Variants in CARS1 observed in about 807,000 individuals in gnomAD.
CARS1 encodes the protein cysteine--tRNA ligase, cytoplasmic.
Under a neutral mutation model 106.2 loss-of-function variants are expected in CARS1, and 48 were observed. That is an observed-to-expected ratio of 0.45 (90% CI 0.36 to 0.57). The LOEUF (loss-of-function observed/expected upper bound fraction) is 0.57, where lower values mean the gene tolerates loss of function less well. Ranked by LOEUF, CARS1 falls within the 20% of genes least tolerant of loss-of-function variation. The pLI, the probability that CARS1 is intolerant of heterozygous loss-of-function variation, is 0.00. For missense variants in CARS1, 968 were observed against 1,057.2 expected (o/e 0.92, Z 1.17); for synonymous variants, 409 against 403.4 (o/e 1.01, Z -0.17).
rs1252102911 is a variant in CARS1, at chr11:3,004,668, C to G, written c.2217+698G>C. On this transcript the variant is annotated intron_variant, in intron 20 of 22. Transcript: ENST00000380525. The surrounding 1 kb of genome is among the most constrained non-coding windows in gnomAD (Gnocchi z 5.2). ...TGCGTTTTTGTTCCTGTTCTTCTGT[C>G]CTATTGGGCACCGAGGAACTTGGGC... 6.6e-6 allele frequency among the ~76,000 whole-genome samples: 1 copy of G among 152,208 alleles called. No homozygotes were observed. The highest frequency in any genetic ancestry group is 2.4e-5 in the African/African-American group (1 of 41,440).
At chr11:3,026,596 C>A in intron 10 of CARS1, 80 bp downstream of exon 10, 1 of 1,512,232 alleles carries the variant, frequency 6.6e-7, no homozygotes, top group South Asian at 1.2e-5. Flanking sequence ...TCAGCGCAGC[C>A]CCCGTGGCCT....
intron 18 of CARS1, among the ~76,000 whole-genome samples, chr11:3,011,305 T>G (rs1050928816): frequency 3.3e-5 from 5 of 152,120 alleles, no homozygotes; most frequent in African/African-American, 1.2e-4. Flanking sequence ...ATCTCAGAAA[T>G]TTCAAAAGAT....
intron 17 of CARS1, among the ~76,000 whole-genome samples, chr11:3,012,998 A>G (rs1348634441): frequency 7.7e-6 from 1 of 130,514 alleles, no homozygotes; most frequent in Non-Finnish European, 1.6e-5. Flanking sequence ...CAAGCGATTC[A>G]CCTGCCTCAG....
chr11:3,035,877 G>A (rs1199517343), intron 7 of CARS1, among the ~76,000 whole-genome samples: 1 of 152,204 alleles, frequency 6.6e-6, no homozygotes, highest in African/African-American at 2.4e-5. Context: ...CTACAGAGCT[G>A]GCCATTAGCT....
At chr11:3,047,560 A>T (rs1855226305) in intron 2 of CARS1, among the ~76,000 whole-genome samples, 193 bp downstream of exon 2, 1 of 152,154 alleles carries the variant, frequency 6.6e-6, no homozygotes, top group Non-Finnish European at 1.5e-5. Context: ...CCAACTCCAT[A>T]GGGCGTGATT....
intron 14 of CARS1, 114 bp downstream of exon 14, chr11:3,018,294 G>A: frequency 1.4e-6 from 1 of 699,478 alleles, no homozygotes; most frequent in Non-Finnish European, 2.5e-6. Context: ...CCACCCATGT[G>A]CTGGTCTCCA....
intron 21 of CARS1, 109 bp downstream of exon 21, chr11:3,002,432 G>T: frequency 6.4e-7 from 1 of 1,550,828 alleles, no homozygotes; most frequent in Non-Finnish European, 8.7e-7. Flanking sequence ...TTCTGTGAGG[G>T]TCTGCAGGGG....
At position 3,029,196 on chromosome 11, in the gene CARS1, T is replaced by TTTG; in HGVS notation, c.942+106_942+107insCAA. 6.8e-7 allele frequency: 1 copy of TTTG among 1,464,414 alleles called. No homozygotes were observed. The highest frequency in any genetic ancestry group is 9.5e-7 in the Non-Finnish European group (1 of 1,048,192). 90.7% of individuals were successfully genotyped at this position (1,464,414 alleles called of 1,614,324 possible). On this transcript the variant is annotated intron_variant, in intron 8 of 22. Transcript: ENST00000380525. The surrounding 1 kb of genome is among the most constrained non-coding windows in gnomAD (Gnocchi z 5.9). ...GCCCATTATGCCCCTCAACTCAAGT[T>TTTG]CAATGTTGACTTGGCCGCTTAATTG...
intron 19 of CARS1, 146 bp from the exon 20 acceptor site, chr11:3,005,579 C>T (rs1241195426): frequency 1.6e-6 from 1 of 608,480 alleles, no homozygotes; most frequent in Non-Finnish European, 2.9e-6. Flanking sequence ...CAAACAAAAA[C>T]CTCCATAGCA....
At position 3,052,140 on chromosome 11, in the gene CARS1, G is replaced by A. The variant is rs1451876067; in HGVS notation, c.26-4139C>T. Reference sequence around the variant, plus strand: ...AAATGTCCTAACGGCGGCTGCAGTGGCTTTTGAGCGCTGAGGAAGCAGTCT... The same window carrying A: ...AAATGTCCTAACGGCGGCTGCAGTGACTTTTGAGCGCTGAGGAAGCAGTCT... On this transcript the variant is annotated intron_variant, in intron 1 of 22. Transcript: ENST00000380525. This position sits in a 1 kb window ranked among gnomAD's most constrained non-coding sequence, Gnocchi z 4.6. 6.6e-6 allele frequency among the ~76,000 whole-genome samples: 1 copy of A among 152,242 alleles called. No individual in the cohort carries two copies. The highest frequency in any genetic ancestry group is 1.5e-5 in the Non-Finnish European group (1 of 68,048).
chr11:3,049,312 C>G (rs1213493752), intron 1 of CARS1, among the ~76,000 whole-genome samples: 2 of 152,144 alleles, frequency 1.3e-5, no homozygotes, highest in African/African-American at 2.4e-5. Flanking sequence ...AAAGTCACCT[C>G]TGCTGAACTG....
rs1037969699 is a variant in CARS1, at chr11:3,046,447, G to A, written c.274+1306C>T. Among the ~76,000 whole-genome samples, 2 of 152,172 alleles carry A rather than the reference G, an allele frequency of 1.3e-5. No individual in the cohort carries two copies. Among genetic ancestry groups the A allele is most frequent in the African/African-American group, 4.8e-5 (2 of 41,442 alleles). ...TGTCACTTGGGTGACCGCGCTGGAG[G>A]CTCAGGCAGGAACGGCTACATGGGG... On this transcript the variant is annotated intron_variant, in intron 2 of 22. Transcript: ENST00000380525. The surrounding 1 kb of genome is among the most constrained non-coding windows in gnomAD (Gnocchi z 5.8).
At chr11:3,001,339 A>AT in intron 22 of CARS1, 91 bp from the exon 23 acceptor site, 1 of 1,451,006 alleles carries the variant, frequency 6.9e-7, no homozygotes, top group Non-Finnish European at 9.5e-7. Context: ...CAAAGTGTCT[A>AT]TCTCCCTGAT....
Position 3,039,760 on chromosome 11 carries a change from T to C in CARS1, c.552+75A>G. The C allele has an allele frequency of 1.4e-6, 1 of 715,420 alleles. No individual in the cohort carries two copies. Among genetic ancestry groups the C allele is most frequent in the South Asian group, 1.9e-5 (1 of 53,266 alleles). The allele number at this position is 715,420 out of a possible 1,614,324, so 44.3% of individuals were successfully genotyped here. A position where few individuals can be genotyped will look rare whatever the true frequency, so the allele number is the denominator to read the frequency against. ...CAAGCTAGCTCAAGCCTACATTATT[T>C]ACTTATGCGAAAGTTCTATCTTCTT... On this transcript the variant is annotated intron_variant, in intron 5 of 22. Transcript: ENST00000380525. The surrounding 1 kb of genome is among the most constrained non-coding windows in gnomAD (Gnocchi z 5.6).
chr11:3,025,093 G>A (rs1851920182), intron 10 of CARS1, among the ~76,000 whole-genome samples: 1 of 152,182 alleles, frequency 6.6e-6, no homozygotes, highest in African/African-American at 2.4e-5. Flanking sequence ...CATCCTCTCA[G>A]AGCTGAGGCG....
chr11:3,055,130 CTGGGAAGA>C, intron 1 of CARS1: 1 of 597,930 alleles, frequency 1.7e-6, no homozygotes, highest in Non-Finnish European at 3.0e-6. Context: ...CTTGAAAAAT[CTGGGAAGA>C]TGGTCACTGA....
intron 10 of CARS1, among the ~76,000 whole-genome samples, chr11:3,026,416 C>G (rs413368): frequency 0.33 from 49,987 of 152,210 alleles, 10,163 homozygotes; most frequent in East Asian, 0.63. Context: ...TCATCACACA[C>G]GGTGTGCATG....
At chr11:3,009,231 C>T (rs1850208764) in intron 18 of CARS1, 1 of 152,226 alleles carries the variant, frequency 6.6e-6, no homozygotes, top group Admixed American at 6.5e-5. Flanking sequence ...GATCAGGGCC[C>T]ATCCATCCAT....
Position 3,008,710 on chromosome 11 carries a change from C to T in CARS1, c.2069-1751G>A, listed in dbSNP as rs1850149065. On this transcript the variant is annotated intron_variant, in intron 18 of 22. Coordinates refer to ENST00000380525, the MANE Select transcript of CARS1 (RefSeq NM_001014437.3). The surrounding 1 kb of genome is among the most constrained non-coding windows in gnomAD (Gnocchi z 5.1). Reference sequence around the variant, plus strand: ...GGCAGCTTCCGGAGTTTCAACCTCCCCAGGCAGAGACCTAGGGGAACAATG... The same window carrying T: ...GGCAGCTTCCGGAGTTTCAACCTCCTCAGGCAGAGACCTAGGGGAACAATG... The T allele has an allele frequency of 1.3e-5, 2 of 152,184 alleles. No individual in the cohort carries two copies. The highest frequency in any genetic ancestry group is 1.3e-4 in the Admixed American group (2 of 15,282). The allele number at this position is 152,184 out of a possible 1,614,324, so 9.4% of individuals were successfully genotyped here.
Sources: allele counts gnomAD v4.1 joint callset (sites outside exome capture counted in the v4.1 genomes callset), GRCh38; gene constraint gnomAD v4.1.1; non-coding constraint Gnocchi (gnomAD v3.1); transcripts MANE v1.5; gene names NCBI Gene and HGNC (gene_info 2026-07-23, HGNC 2026-07-21).